The following PTPRD variants were observed in gnomAD, a reference collection of about 807,000 sequenced individuals.
The protein encoded by PTPRD is receptor-type tyrosine-protein phosphatase delta.
In PTPRD, 34 loss-of-function variants were observed where a neutral mutation model predicts 214.5. The observed-to-expected ratio is 0.16, with a 90% confidence interval of 0.12 to 0.21. The LOEUF (loss-of-function observed/expected upper bound fraction) is 0.21, where lower values mean the gene tolerates loss of function less well. PTPRD is among the 10% of genes least tolerant of loss of function. The pLI, the probability that PTPRD is intolerant of heterozygous loss-of-function variation, is 1.00. For synonymous variants in PTPRD, 1,128 were observed against 845.7 expected (o/e 1.33, Z -5.79); for missense variants, 2,545 against 2,398.7 (o/e 1.06, Z -1.27).
chr9:9,099,979 G>C (rs749028207), intron 10 of PTPRD, among the ~76,000 whole-genome samples: 1 of 152,054 alleles, frequency 6.6e-6, no homozygotes, highest in East Asian at 1.9e-4. Flanking sequence ...ATATGCAATG[G>C]TCTTATTTAT....
intron 8 of PTPRD, among the ~76,000 whole-genome samples, chr9:9,457,255 A>G (rs1770192130): frequency 6.6e-6 from 1 of 151,936 alleles, no homozygotes; most frequent in Non-Finnish European, 1.5e-5. Flanking sequence ...ATATTTGCCT[A>G]GACAAATAAA....
At chr9:9,021,976 G>A (rs1013903614) in intron 10 of PTPRD, among the ~76,000 whole-genome samples, 1 of 151,750 alleles carries the variant, frequency 6.6e-6, no homozygotes, top group Admixed American at 6.6e-5. Context: ...CATGTAGCGG[G>A]GTGGGGGGCA....
chr9:8,712,737 CA>C (rs2098367504), intron 12 of PTPRD, among the ~76,000 whole-genome samples: 1 of 150,468 alleles, frequency 6.6e-6, no homozygotes, highest in Non-Finnish European at 1.5e-5. Context: ...GGGTGGGGGG[CA>C]TGGACTTTCC....
Position 8,436,643 on chromosome 9 carries a change from G to A in PTPRD, c.4035C>T (p.His1345=). ...PPIPILELAD[H]IERLKANDNL... is the part of the protein sequence containing the mutation. ...TGTCATTTGCTTTCAATCTTTCAAT[G>A]TGGTCTGCAAGTTCCAAGATGGGTA... Residue 1345 remains histidine (H), a synonymous_variant, in exon 35 of 46, where the codon CAC becomes CAT. Transcript: ENST00000381196. 1.2e-6 allele frequency: 2 copies of A among 1,613,574 alleles called. No homozygotes were observed. Among genetic ancestry groups the A allele is most frequent in the Middle Eastern group, 1.7e-4 (1 of 6,058 alleles).
chr9:10,545,173 G>C (rs911059945), intron 2 of PTPRD, among the ~76,000 whole-genome samples: 2 of 152,098 alleles, frequency 1.3e-5, no homozygotes, highest in African/African-American at 4.8e-5. Flanking sequence ...TTCATACAAG[G>C]CCTACATATG....
At chr9:10,324,140 G>C (rs1024935701) in intron 3 of PTPRD, among the ~76,000 whole-genome samples, 38 of 151,946 alleles carry the variant, frequency 2.5e-4, no homozygotes, top group African/African-American at 9.2e-4. Flanking sequence ...TAAAGTATGA[G>C]AACACTGAGG....
At chr9:9,661,358 C>T (rs2096618473) in intron 7 of PTPRD, among the ~76,000 whole-genome samples, 1 of 151,770 alleles carries the variant, frequency 6.6e-6, no homozygotes, top group African/African-American at 2.4e-5. Flanking sequence ...TTTTAAATTG[C>T]TAAACTAGAT....
rs76400828 is a variant in PTPRD, at chr9:8,761,749, T to C, written c.-103-27803A>G. On this transcript the variant is annotated intron_variant, in intron 11 of 45. Coordinates refer to ENST00000381196, the MANE Select transcript of PTPRD (RefSeq NM_002839.4). Reference sequence around the variant, plus strand: ...GAGAAATGAAAAGATGTAGGGTCTATTAAAGAAAATGGGAAAGAGATGAAT... The same window carrying C: ...GAGAAATGAAAAGATGTAGGGTCTACTAAAGAAAATGGGAAAGAGATGAAT... Among the ~76,000 whole-genome samples, 3 of 152,272 alleles carry C rather than the reference T, an allele frequency of 2.0e-5. No individual in the cohort carries two copies. The East Asian group carries it at 5.8e-4, about 29-fold the overall frequency.
chr9:8,895,497 T>G (rs1018443543), intron 11 of PTPRD, among the ~76,000 whole-genome samples: 2 of 152,184 alleles, frequency 1.3e-5, no homozygotes, highest in African/African-American at 4.8e-5. Flanking sequence ...AATAGAACTT[T>G]CAAACAGTGT....
chr9:9,958,649 C>T lies in PTPRD; in HGVS notation c.-471-20039G>A, dbSNP rs1278068563. Among the ~76,000 whole-genome samples, 6 of 152,250 alleles carry T rather than the reference C, an allele frequency of 3.9e-5. No homozygotes were observed. The South Asian group carries it at 1.2e-3, about 32-fold the overall frequency. ...GGTAATTTATTTACAAAACACATATCTGCCAAAAAACTTTTATCCAAAATA... is the reference window on the plus strand; with the variant it reads ...GGTAATTTATTTACAAAACACATATTTGCCAAAAAACTTTTATCCAAAATA... On this transcript the variant is annotated intron_variant, in intron 4 of 45. Transcript: ENST00000381196.
At chr9:8,839,691 C>A (rs931159776) in intron 11 of PTPRD, among the ~76,000 whole-genome samples, 1 of 152,138 alleles carries the variant, frequency 6.6e-6, no homozygotes, top group Non-Finnish European at 1.5e-5. Flanking sequence ...TACATAACAA[C>A]CCTAAAAAGA....
At chr9:10,166,332 T>A (rs991531624) in intron 3 of PTPRD, among the ~76,000 whole-genome samples, 1 of 151,452 alleles carries the variant, frequency 6.6e-6, no homozygotes, top group Non-Finnish European at 1.5e-5. Context: ...AGCAGGCATA[T>A]TAACTGAACA....
At chr9:10,022,865 T>A (rs1187918806) in intron 4 of PTPRD, among the ~76,000 whole-genome samples, 1 of 152,178 alleles carries the variant, frequency 6.6e-6, no homozygotes, top group East Asian at 1.9e-4. Context: ...AGATAGCCCA[T>A]TGAATTATAT....
chr9:8,751,682 G>GTTA (rs1326374469), intron 11 of PTPRD, among the ~76,000 whole-genome samples: 2 of 152,020 alleles, frequency 1.3e-5, no homozygotes, highest in Non-Finnish European at 2.9e-5. Flanking sequence ...TCATCCCTTA[G>GTTA]TCTTCACTCC....
intron 35 of PTPRD, among the ~76,000 whole-genome samples, chr9:8,421,561 A>G (rs955256762): frequency 1.3e-5 from 2 of 152,156 alleles, no homozygotes; most frequent in African/African-American, 4.8e-5. Flanking sequence ...TCAACACAGC[A>G]AACAGCGAAT....
intron 33 of PTPRD, among the ~76,000 whole-genome samples, chr9:8,453,399 T>C (rs895187994): frequency 9.9e-5 from 15 of 152,128 alleles, no homozygotes; most frequent in South Asian, 2.1e-4. Context: ...CTCCTGACCT[T>C]GTGATCCACC....
intron 8 of PTPRD, among the ~76,000 whole-genome samples, chr9:9,432,978 T>C (rs545251533): frequency 6.6e-6 from 1 of 152,120 alleles, no homozygotes; most frequent in Admixed American, 6.6e-5. Flanking sequence ...GCCGCTGAAA[T>C]AGTCACTGTG....
chr9:8,771,624 T>A (rs779612938), intron 11 of PTPRD, among the ~76,000 whole-genome samples: 1 of 152,238 alleles, frequency 6.6e-6, no homozygotes, highest in African/African-American at 2.4e-5. Context: ...AGGTATTGGA[T>A]GTTTGTTTTA....
chr9:8,580,528 T>G (rs1331210553), intron 14 of PTPRD, among the ~76,000 whole-genome samples: 3 of 152,222 alleles, frequency 2.0e-5, no homozygotes, highest in Non-Finnish European at 4.4e-5. Context: ...AGCACCTGAA[T>G]GTAAAGATAC....
Sources: allele counts gnomAD v4.1 joint callset (sites outside exome capture counted in the v4.1 genomes callset), GRCh38; gene constraint gnomAD v4.1.1; transcripts MANE v1.5; gene names NCBI Gene and HGNC (gene_info 2026-07-23, HGNC 2026-07-21).